Variants in PLCB1 observed in about 807,000 individuals in gnomAD.
PLCB1 encodes the protein 1-phosphatidylinositol 4,5-bisphosphate phosphodiesterase beta-1.
Under a neutral mutation model 161.8 loss-of-function variants are expected in PLCB1, and 46 were observed. That is an observed-to-expected ratio of 0.28 (90% CI 0.22 to 0.36). PLCB1 has a LOEUF of 0.36. Among genes scored for constraint, PLCB1 ranks in the 10% least tolerant of loss-of-function variants. PLCB1 has a pLI of 1.00. For synonymous variants in PLCB1, 517 were observed against 503.7 expected (o/e 1.03, Z -0.35); for missense variants, 1,016 against 1,472.5 (o/e 0.69, Z 5.07).
rs1466036767 is a variant in PLCB1, at chr20:8,688,375, A to G, written c.1009+3297A>G. ...AGCCATGTATCTTTGTTTTTATGCA[A>G]TTGCTTTTACCCAAAAGCAATTTTT... On this transcript the variant is annotated intron_variant, in intron 10 of 31. Transcript: ENST00000338037. Among the ~76,000 whole-genome samples, 4 of 152,078 alleles carry G rather than the reference A, an allele frequency of 2.6e-5. No individual in the cohort carries two copies. The East Asian group carries it at 5.8e-4, about 22-fold the overall frequency.
intron 17 of PLCB1, among the ~76,000 whole-genome samples, chr20:8,728,432 A>G (rs1193794688): frequency 6.6e-6 from 1 of 152,104 alleles, no homozygotes; most frequent in Non-Finnish European, 1.5e-5. Context: ...GATAGGAACC[A>G]AAATATTAAG....
chr20:8,748,750 G>C (rs6056059), intron 23 of PLCB1, among the ~76,000 whole-genome samples: 1 of 151,972 alleles, frequency 6.6e-6, no homozygotes, highest in South Asian at 2.1e-4. Context: ...AATGTACAGC[G>C]TGAGGACTAT....
intron 3 of PLCB1, among the ~76,000 whole-genome samples, chr20:8,598,859 CTTCT>C (rs1317898194): frequency 5.0e-5 from 5 of 99,124 alleles, no homozygotes; most frequent in Admixed American, 1.3e-4. Context: ...ATGTAATGGC[CTTCT>C]TTGTCTCTTT....
At chr20:8,382,230 A>G (rs1435607893) in intron 3 of PLCB1, among the ~76,000 whole-genome samples, 1 of 150,328 alleles carries the variant, frequency 6.7e-6, no homozygotes, top group East Asian at 1.9e-4. Flanking sequence ...GTCATTCAGG[A>G]GCAGGTTGTT....
At chr20:8,822,737 G>A (rs965173509) in intron 31 of PLCB1, among the ~76,000 whole-genome samples, 11 of 152,146 alleles carry the variant, frequency 7.2e-5, no homozygotes, top group Non-Finnish European at 4.4e-5. Context: ...GAAAACCCCA[G>A]CTGGGAAGAC....
Position 8,884,382 on chromosome 20 carries a change from A to T in PLCB1, c.*2533A>T, listed in dbSNP as rs1000012107. On this transcript the variant is annotated 3_prime_UTR_variant, in exon 32 of 32. Coordinates refer to ENST00000338037, the MANE Select transcript of PLCB1 (RefSeq NM_015192.4). ...TCCGTACTGTGGTTTTTCCTATAAT[A>T]GAAAGTAGAGCTGTGTATTAAATTA... The T allele has an allele frequency of 1.3e-5, 2 of 152,612 alleles. No homozygotes were observed. Among genetic ancestry groups the T allele is most frequent in the Non-Finnish European group, 2.9e-5 (2 of 68,036 alleles). The allele number at this position is 152,612 out of a possible 1,614,324, so 9.5% of individuals were successfully genotyped here.
At chr20:8,525,430 T>C (rs1389007927) in intron 3 of PLCB1, among the ~76,000 whole-genome samples, 1 of 152,190 alleles carries the variant, frequency 6.6e-6, no homozygotes, top group Non-Finnish European at 1.5e-5. Flanking sequence ...TTCTAGTTAA[T>C]TTGATTTTGG....
chr20:8,464,789 A>C (rs1479161713), intron 3 of PLCB1, among the ~76,000 whole-genome samples: 1 of 152,154 alleles, frequency 6.6e-6, no homozygotes, highest in Non-Finnish European at 1.5e-5. Context: ...GCAGCTGCTG[A>C]ATAAAGCCAT....
chr20:8,512,157 CAAT>C (rs1192438499), intron 3 of PLCB1, among the ~76,000 whole-genome samples: 3 of 152,110 alleles, frequency 2.0e-5, no homozygotes, highest in Non-Finnish European at 2.9e-5. Context: ...CGCATTAAAA[CAAT>C]GATGTAGTTT....
intron 2 of PLCB1, among the ~76,000 whole-genome samples, chr20:8,329,747 GGTTTGCTTTTAGA>G (rs1486655554): frequency 6.6e-6 from 1 of 152,058 alleles, no homozygotes; most frequent in African/African-American, 2.4e-5. Context: ...CGTGGGCTGT[GGTTTGCTTTTAGA>G]GTTTGCTTCA....
intron 31 of PLCB1, among the ~76,000 whole-genome samples, chr20:8,799,921 A>G (rs1984206110): frequency 6.6e-6 from 1 of 152,254 alleles, no homozygotes; most frequent in Admixed American, 6.5e-5. Flanking sequence ...AATCATGTCA[A>G]GAAAAAATGT....
intron 3 of PLCB1, among the ~76,000 whole-genome samples, chr20:8,570,948 G>T (rs1260555492): frequency 1.3e-5 from 2 of 152,128 alleles, no homozygotes; most frequent in Non-Finnish European, 2.9e-5. Context: ...GTACAAAAGG[G>T]CTTTAAAGTC....
chr20:8,287,028 A>C (rs550819184), intron 2 of PLCB1, among the ~76,000 whole-genome samples: 1 of 152,230 alleles, frequency 6.6e-6, no homozygotes, highest in African/African-American at 2.4e-5. Context: ...TTAATATTTA[A>C]CTTTTTAATC....
chr20:8,385,510 T>C (rs1056201867), intron 3 of PLCB1, among the ~76,000 whole-genome samples: 3 of 152,192 alleles, frequency 2.0e-5, no homozygotes, highest in Non-Finnish European at 4.4e-5. Context: ...TTCAAATGGC[T>C]TAGACAGCAG....
intron 3 of PLCB1, among the ~76,000 whole-genome samples, chr20:8,522,157 G>T (rs1250480826): frequency 6.6e-6 from 1 of 152,176 alleles, no homozygotes; most frequent in Non-Finnish European, 1.5e-5. Flanking sequence ...TGAAAATTCA[G>T]TCGCCTCACC....
At chr20:8,345,200 T>C (rs1307819135) in intron 2 of PLCB1, among the ~76,000 whole-genome samples, 5 of 152,194 alleles carry the variant, frequency 3.3e-5, no homozygotes, top group African/African-American at 1.2e-4. Flanking sequence ...TTTTATGTGC[T>C]GACATGGATG....
intron 3 of PLCB1, among the ~76,000 whole-genome samples, chr20:8,485,705 T>C (rs1178019293): frequency 6.6e-6 from 1 of 152,196 alleles, no homozygotes; most frequent in Non-Finnish European, 1.5e-5. Context: ...CTTATTCTGC[T>C]AATAGGAGCA....
At chr20:8,499,736 C>T (rs2122807309) in intron 3 of PLCB1, among the ~76,000 whole-genome samples, 1 of 152,280 alleles carries the variant, frequency 6.6e-6, no homozygotes, top group East Asian at 1.9e-4. Flanking sequence ...AACAGAAGCA[C>T]ACATTAAGTT....
chr20:8,626,177 C>CAAAAAAAAAAAAAAAAAAAAA (rs71184104), intron 3 of PLCB1, among the ~76,000 whole-genome samples: 1 of 117,488 alleles, frequency 8.5e-6, no homozygotes, highest in Non-Finnish European at 1.8e-5. Flanking sequence ...GACTCCATCT[C>CAAAAAAAAAAAAAAAAAAAAA]AAAAAAAAAA....
Sources: allele counts gnomAD v4.1 joint callset (sites outside exome capture counted in the v4.1 genomes callset), GRCh38; gene constraint gnomAD v4.1.1; transcripts MANE v1.5; gene names NCBI Gene and HGNC (gene_info 2026-07-23, HGNC 2026-07-21).